Variants in PAWR observed in about 807,000 individuals in gnomAD.
PAWR encodes the protein PRKC apoptosis WT1 regulator protein.
PAWR carries 23 observed loss-of-function variants against 32.0 expected under a neutral mutation model. That is an observed-to-expected ratio of 0.72 (90% CI 0.52 to 1.02). PAWR has a LOEUF of 1.02. Among genes scored for constraint, PAWR ranks in the 50% least tolerant of loss-of-function variants. PAWR has a pLI of 0.00. For missense variants in PAWR, 457 were observed against 437.7 expected (o/e 1.04, Z -0.39); for synonymous variants, 226 against 187.1 (o/e 1.21, Z -1.70).
intron 6 of PAWR, among the ~76,000 whole-genome samples, chr12:79,593,271 G>T (rs1873622945): frequency 6.6e-6 from 1 of 152,144 alleles, no homozygotes; most frequent in Admixed American, 6.5e-5. Flanking sequence ...TTCAGCTCCA[G>T]ATCAATTTGT....
intron 3 of PAWR, among the ~76,000 whole-genome samples, chr12:79,617,080 G>C (rs929559111): frequency 1.3e-5 from 2 of 152,042 alleles, no homozygotes; most frequent in Non-Finnish European, 2.9e-5. Context: ...TTTTTTGGCA[G>C]GGCACGGTGG....
chr12:79,652,668 A>T (rs571019223), intron 2 of PAWR, among the ~76,000 whole-genome samples: 16 of 152,364 alleles, frequency 1.1e-4, no homozygotes, highest in African/African-American at 3.1e-4. Context: ...ATTCTTCAGC[A>T]AATCTTTTCA....
At chr12:79,650,618 G>C (rs1351085948) in intron 2 of PAWR, among the ~76,000 whole-genome samples, 5 of 147,986 alleles carry the variant, frequency 3.4e-5, no homozygotes, top group African/African-American at 1.2e-4. Flanking sequence ...TGTTGTTGTA[G>C]ACCAAAATCT....
chr12:79,596,615 G>T lies in PAWR; in HGVS notation c.727C>A (p.Arg243=). The change falls in exon 5 of 7, where the codon CGA becomes AGA. Residue 243 remains arginine, a synonymous_variant. Coordinates refer to ENST00000328827, the MANE Select transcript of PAWR (RefSeq NM_002583.4). ...SEEDVSSRYS[R]TDRSGFPRYN... The stretch of plus-strand genomic sequence containing the variant: ...CTAGGGAACCCACTTCTATCTGTTC[G>T]AGAATATCTACTTGAGACATCTTCT... 1 of 1,599,244 alleles carries T rather than the reference G, an allele frequency of 6.3e-7. No individual in the cohort carries two copies. The highest frequency in any genetic ancestry group is 8.6e-7 in the Non-Finnish European group (1 of 1,169,562).
intron 2 of PAWR, among the ~76,000 whole-genome samples, chr12:79,682,673 T>TGGTGCCC (rs1264979759): frequency 2.0e-5 from 3 of 152,216 alleles, no homozygotes; most frequent in African/African-American, 7.2e-5. Context: ...CGTTCAGCCA[T>TGGTGCCC]GGTGCCCTGT....
chr12:79,644,474 T>A (rs1876477367), intron 2 of PAWR, among the ~76,000 whole-genome samples: 1 of 152,142 alleles, frequency 6.6e-6, no homozygotes, highest in Non-Finnish European at 1.5e-5. Context: ...AGTGGAAGAT[T>A]TAAATAGGAC....
At chr12:79,635,348 T>A (rs1212306730) in intron 2 of PAWR, among the ~76,000 whole-genome samples, 1 of 152,066 alleles carries the variant, frequency 6.6e-6, no homozygotes, top group Non-Finnish European at 1.5e-5. Flanking sequence ...TGAAATTCTG[T>A]GGAGGCATTT....
At chr12:79,625,363 A>G (rs1875237515) in intron 2 of PAWR, among the ~76,000 whole-genome samples, 1 of 152,186 alleles carries the variant, frequency 6.6e-6, no homozygotes, top group Non-Finnish European at 1.5e-5. Flanking sequence ...TAATAGCTGA[A>G]TTTTATCCAA....
intron 2 of PAWR, among the ~76,000 whole-genome samples, chr12:79,626,480 C>T (rs1460914315): frequency 5.9e-5 from 9 of 151,314 alleles, no homozygotes; most frequent in African/African-American, 9.7e-5. Context: ...AGGATGGTCT[C>T]GATCTCCAGA....
At chr12:79,679,079 G>A (rs1878313932) in intron 2 of PAWR, among the ~76,000 whole-genome samples, 1 of 152,062 alleles carries the variant, frequency 6.6e-6, no homozygotes, top group African/African-American at 2.4e-5. Context: ...CCCCTTTTCT[G>A]TGCTAGTTCA....
chr12:79,608,079 T>C (rs1874267580), intron 4 of PAWR, among the ~76,000 whole-genome samples: 1 of 151,706 alleles, frequency 6.6e-6, no homozygotes, highest in South Asian at 2.1e-4. Flanking sequence ...TAAAGTTCCA[T>C]CTAGGAAAAA....
Position 79,587,548 on chromosome 12 carries a change from T to C in PAWR, c.*5059A>G, listed in dbSNP as rs755710773. 2.6e-5 allele frequency: 4 copies of C among 152,032 alleles called. No individual in the cohort carries two copies. Among genetic ancestry groups the C allele is most frequent in the Admixed American group, 1.3e-4 (2 of 15,266 alleles). The allele number at this position is 152,032 out of a possible 1,614,324, so 9.4% of individuals were successfully genotyped here. The stretch of plus-strand genomic sequence containing the variant: ...AAAATTTTCAGTCAGGCTGAACTTT[T>C]GTGCACTTCCTCATTTATTCGAGAA... On this transcript the variant is annotated 3_prime_UTR_variant, in exon 7 of 7. Transcript: ENST00000328827.
chr12:79,604,667 A>G (rs1299398977), intron 4 of PAWR: 1 of 1,288,456 alleles, frequency 7.8e-7, no homozygotes, highest in Non-Finnish European at 1.0e-6. Flanking sequence ...TTCACCCTCC[A>G]ACACTCCCAC....
chr12:79,685,596 A>G (rs1878645543), intron 2 of PAWR, among the ~76,000 whole-genome samples: 1 of 152,186 alleles, frequency 6.6e-6, no homozygotes, highest in Admixed American at 6.5e-5. Context: ...AGGTAAAATC[A>G]AAGATTCACA....
intron 2 of PAWR, among the ~76,000 whole-genome samples, chr12:79,645,138 G>A (rs1485843814): frequency 1.3e-5 from 2 of 151,894 alleles, no homozygotes; most frequent in African/African-American, 4.8e-5. Context: ...AAGTTGTACA[G>A]TGTCCAAGAG....
intron 2 of PAWR, among the ~76,000 whole-genome samples, chr12:79,645,878 T>C (rs1212664015): frequency 1.3e-5 from 2 of 152,348 alleles, no homozygotes; most frequent in East Asian, 1.9e-4. Flanking sequence ...CAGCTTTTAG[T>C]AGATAATGCC....
At chr12:79,681,703 T>TA (rs1416116645) in intron 2 of PAWR, among the ~76,000 whole-genome samples, 1 of 152,202 alleles carries the variant, frequency 6.6e-6, no homozygotes, top group Non-Finnish European at 1.5e-5. Flanking sequence ...GCCTTTTTTT[T>TA]AACACATTAC....
rs201391435 is a variant in PAWR, at chr12:79,689,738, A to G, written c.507T>C (p.Pro169=). The G allele has an allele frequency of 6.4e-7, 1 of 1,561,808 alleles. No individual in the cohort carries two copies. The highest frequency in any genetic ancestry group is 8.6e-7 in the Non-Finnish European group (1 of 1,157,154). The change falls in exon 2 of 7, where the codon CCT becomes CCC. Residue 169 remains proline, a synonymous_variant. Transcript: ENST00000328827. ...KRRSTGVVNI[P]AAECLDEYED... The stretch of plus-strand genomic sequence containing the variant: ...CCCCCGCCCGGCTCACCTCTGCGGC[A>G]GGGATGTTGACCACGCCGGTGGAGC...
intron 4 of PAWR, among the ~76,000 whole-genome samples, chr12:79,601,304 A>G (rs1264299195): frequency 6.7e-6 from 1 of 150,284 alleles, no homozygotes; most frequent in African/African-American, 2.5e-5. Context: ...TGTAAATTCA[A>G]ATTCCTGGGC....
Sources: gnomAD v4.1 joint callset for allele counts (sites outside exome capture counted in the v4.1 genomes callset) on GRCh38, gnomAD v4.1.1 for gene constraint, MANE v1.5 for transcripts, NCBI Gene and HGNC (gene_info 2026-07-23, HGNC 2026-07-21) for gene names.